The following NT5M variants were observed in gnomAD, a reference collection of about 807,000 sequenced individuals.
NT5M encodes the protein 5',3'-nucleotidase, mitochondrial.
NT5M carries 22 observed loss-of-function variants against 22.2 expected under a neutral mutation model. The ratio of observed to expected loss-of-function variants is 0.99; its 90% CI spans 0.71 to 1.41. The LOEUF (loss-of-function observed/expected upper bound fraction) is 1.41. Ranked by LOEUF, NT5M falls within the 40% of genes most tolerant of loss-of-function variation. The pLI is 0.00. For missense variants in NT5M, 322 were observed against 314.8 expected (o/e 1.02, Z -0.17); for synonymous variants, 167 against 133.0 (o/e 1.26, Z -1.76).
intron 4 of NT5M, among the ~76,000 whole-genome samples, chr17:17,346,105 C>T (rs1201432527): frequency 6.6e-6 from 1 of 152,194 alleles, no homozygotes; most frequent in African/African-American, 2.4e-5. Flanking sequence ...TCCATCACTG[C>T]GTCCAGAGGG....
Position 17,306,620 on chromosome 17 carries a change from C to A in NT5M, c.345C>A (p.Val115=). 1 of 1,613,806 alleles carries A rather than the reference C, an allele frequency of 6.2e-7. No homozygotes were observed. Among genetic ancestry groups the A allele is most frequent in the Non-Finnish European group, 8.5e-7 (1 of 1,179,790 alleles). Residue 115 remains valine (V), a synonymous_variant, in exon 2 of 5, where the codon GTC becomes GTA. Transcript: ENST00000389022. ...CTCTGCCAGGGGCCGTGGAAGCTGT[C>A]AAGGAGATGGCCAGCCTACAAAAGT... The part of the protein sequence containing the change: ...LEPLPGAVEA[V]KEMASLQNTD...
chr17:17,338,048 G>A (rs1182673654), intron 3 of NT5M, among the ~76,000 whole-genome samples: 1 of 152,150 alleles, frequency 6.6e-6, no homozygotes, highest in Non-Finnish European at 1.5e-5. Context: ...AGAGATAGGG[G>A]TCTAGTTTCA....
At position 17,303,726 on chromosome 17, in the gene NT5M, C is replaced by T. The variant is rs1487154865; in HGVS notation, c.176C>T (p.Ala59Val). 6.3e-7 allele frequency: 1 copy of T among 1,591,134 alleles called. No individual in the cohort carries two copies. ...GGCGGATTCCTCAGGAAGTTCCGCG[C>T]GCGCTTTCCCGACCAGCCCTTCATC... Reference protein sequence around the residue: ...FEGGFLRKFRARFPDQPFIAL... With the variant: ...FEGGFLRKFRVRFPDQPFIAL... Residue 59 changes from alanine to valine, a missense_variant, in exon 1 of 5, where the codon GCG becomes GTG. Transcript: ENST00000389022.
chr17:17,337,076 G>T (rs1460590105), intron 3 of NT5M, among the ~76,000 whole-genome samples: 1 of 151,950 alleles, frequency 6.6e-6, no homozygotes, highest in Non-Finnish European at 1.5e-5. Flanking sequence ...AGTGTACAAG[G>T]GTTTTATTTT....
At chr17:17,314,851 G>T (rs1432625425) in intron 2 of NT5M, among the ~76,000 whole-genome samples, 3 of 152,216 alleles carry the variant, frequency 2.0e-5, no homozygotes, top group African/African-American at 2.4e-5. Flanking sequence ...AACCGTGCAT[G>T]TTGCCTCCTC....
At chr17:17,336,399 T>C (rs1188440838) in intron 3 of NT5M, among the ~76,000 whole-genome samples, 1 of 152,108 alleles carries the variant, frequency 6.6e-6, no homozygotes, top group Non-Finnish European at 1.5e-5. Context: ...ATCCTCCTAC[T>C]ATCTCCATGA....
intron 2 of NT5M, among the ~76,000 whole-genome samples, chr17:17,311,189 T>C (rs2145329445): frequency 6.6e-6 from 1 of 151,972 alleles, no homozygotes; most frequent in East Asian, 1.9e-4. Context: ...ACAAAAATAA[T>C]TAGCTGGGTG....
intron 2 of NT5M, among the ~76,000 whole-genome samples, chr17:17,307,720 G>A (rs950349088): frequency 1.3e-5 from 2 of 152,210 alleles, no homozygotes; most frequent in African/African-American, 2.4e-5. Flanking sequence ...GCTGGGCGTG[G>A]CGGCATGCAC....
At chr17:17,320,482 G>A (rs2049128543) in intron 2 of NT5M, among the ~76,000 whole-genome samples, 1 of 152,294 alleles carries the variant, frequency 6.6e-6, no homozygotes, top group African/African-American at 2.4e-5. Flanking sequence ...TGATTTTTAG[G>A]TGTTTTGCTT....
intron 3 of NT5M, among the ~76,000 whole-genome samples, chr17:17,341,058 C>T (rs2049631989): frequency 1.3e-5 from 2 of 152,004 alleles, no homozygotes; most frequent in Admixed American, 1.3e-4. Flanking sequence ...CAATTTCCTT[C>T]ATTTCTTCAT....
At chr17:17,343,228 AAGG>A (rs1449540353) in intron 3 of NT5M, among the ~76,000 whole-genome samples, 2 of 151,966 alleles carry the variant, frequency 1.3e-5, no homozygotes, top group African/African-American at 2.4e-5. Context: ...GGGCTAGGAG[AAGG>A]GCCCTGTGCA....
chr17:17,325,968 T>G (rs2049258707), intron 3 of NT5M, among the ~76,000 whole-genome samples: 1 of 152,240 alleles, frequency 6.6e-6, no homozygotes, highest in Non-Finnish European at 1.5e-5. Flanking sequence ...ATCTCCTGAC[T>G]GGGCTGGGAC....
At position 17,303,928 on chromosome 17, in the gene NT5M, C is replaced by A. The variant is rs994470399; in HGVS notation, c.267+111C>A. ...TCAGCGCCCCAGCCTCGGGGTGGCC[C>A]TCTGATAGAATAGGGTCTGGGGGGG... On this transcript the variant is annotated intron_variant, in intron 1 of 4. Coordinates refer to ENST00000389022, the MANE Select transcript of NT5M (RefSeq NM_020201.4). The A allele has an allele frequency of 6.7e-5, 88 of 1,318,032 alleles. 1 individual carries two copies. Among genetic ancestry groups the A allele is most frequent in the South Asian group, 1.6e-4 (8 of 51,332 alleles). 81.6% of individuals were successfully genotyped at this position (1,318,032 alleles called of 1,614,324 possible). A position where few individuals can be genotyped will look rare whatever the true frequency, so the allele number is the denominator to read the frequency against.
chr17:17,307,221 A>G (rs1377596892), intron 2 of NT5M, among the ~76,000 whole-genome samples: 16 of 152,226 alleles, frequency 1.1e-4, no homozygotes, highest in Admixed American at 1.0e-3. Flanking sequence ...TTCAGCAAAT[A>G]TCTCAGAACT....
intron 3 of NT5M, among the ~76,000 whole-genome samples, chr17:17,340,430 T>G (rs981350982): frequency 6.6e-6 from 1 of 152,182 alleles, no homozygotes; most frequent in Non-Finnish European, 1.5e-5. Context: ...AACCAACTTT[T>G]TGTTTCTTTT....
At chr17:17,308,690 T>C (rs964970330) in intron 2 of NT5M, among the ~76,000 whole-genome samples, 3 of 152,150 alleles carry the variant, frequency 2.0e-5, no homozygotes, top group Non-Finnish European at 4.4e-5. Context: ...CATCATCATA[T>C]CCGCTTCAGA....
chr17:17,336,575 G>A (rs1230939398), intron 3 of NT5M, among the ~76,000 whole-genome samples: 1 of 146,516 alleles, frequency 6.8e-6, no homozygotes, highest in East Asian at 2.0e-4. Flanking sequence ...TTTTTTGACG[G>A]AGTCTTACTC....
At chr17:17,313,202 C>G (rs2048955884) in intron 2 of NT5M, among the ~76,000 whole-genome samples, 1 of 152,090 alleles carries the variant, frequency 6.6e-6, no homozygotes, top group South Asian at 2.1e-4. Context: ...CGCTTGAACC[C>G]CTGGAGGCAG....
Position 17,347,124 on chromosome 17 carries a change from A to T in NT5M, c.*177A>T. On this transcript the variant is annotated 3_prime_UTR_variant, in exon 5 of 5. Transcript: ENST00000389022. ...CCAGGCCTTAACCTGATCACGGGGC[A>T]GGGCTGGGCCCTCTGGGCGCTTGGA... The T allele has an allele frequency of 1.2e-6, 1 of 832,510 alleles. No homozygotes were observed. The highest frequency in any genetic ancestry group is 1.8e-6 in the Non-Finnish European group (1 of 551,514). The allele number at this position is 832,510 out of a possible 1,614,324, so 51.6% of individuals were successfully genotyped here.
Sources: allele counts gnomAD v4.1 joint callset (sites outside exome capture counted in the v4.1 genomes callset), GRCh38; gene constraint gnomAD v4.1.1; transcripts MANE v1.5; gene names NCBI Gene and HGNC (gene_info 2026-07-23, HGNC 2026-07-21).